Variants in PDE1C observed in about 807,000 individuals in gnomAD.
The protein encoded by PDE1C is phosphodiesterase 1C.
Under a neutral mutation model 93.1 loss-of-function variants are expected in PDE1C, and 62 were observed. The ratio of observed to expected loss-of-function variants is 0.67; its 90% CI spans 0.54 to 0.82. The LOEUF (loss-of-function observed/expected upper bound fraction) is 0.82, where lower values mean the gene tolerates loss of function less well. Among genes scored for constraint, PDE1C ranks in the 40% least tolerant of loss-of-function variants. The pLI is 0.00. For synonymous variants in PDE1C, 325 were observed against 310.1 expected (o/e 1.05, Z -0.50); for missense variants, 742 against 884.6 (o/e 0.84, Z 2.04).
chr7:32,212,930 T>C (rs1806157406), intron 1 of PDE1C, among the ~76,000 whole-genome samples: 1 of 152,176 alleles, frequency 6.6e-6, no homozygotes, highest in South Asian at 2.1e-4. Flanking sequence ...CCCAAGAATT[T>C]ACATGTCTGA....
At chr7:31,652,466 T>C in the PDE1C span, 57 of 1,520,712 alleles carry the variant, frequency 3.7e-5, no homozygotes, top group African/African-American at 6.7e-4. Flanking sequence ...GTAAGCTGTT[T>C]GGTGCCAATG....
the PDE1C span, chr7:31,643,222 C>G: frequency 1.1e-5 from 17 of 1,613,914 alleles, no homozygotes; most frequent in Admixed American, 8.3e-5. Context: ...TGAGGCCCCA[C>G]GAGAAGAGGA....
At chr7:32,315,037 C>G (rs978475106) in intron 1 of PDE1C, among the ~76,000 whole-genome samples, 1 of 148,080 alleles carries the variant, frequency 6.8e-6, no homozygotes, top group African/African-American at 2.5e-5. Flanking sequence ...GATGTGGCTT[C>G]TGACAATGAT....
chr7:32,307,305 C>G (rs1562665719), intron 1 of PDE1C, among the ~76,000 whole-genome samples: 1 of 152,138 alleles, frequency 6.6e-6, no homozygotes, highest in Non-Finnish European at 1.5e-5. Flanking sequence ...CACCTAGACC[C>G]TCAGAATCCT....
rs184421522 is a variant in PDE1C at position 32,052,970 on chromosome 7, C to G, written c.102-1390G>C. On this transcript the variant is annotated intron_variant, in intron 1 of 17. Transcript: ENST00000396191. The stretch of plus-strand genomic sequence containing the variant: ...AAAAAATATTAAAATATGGATACAC[C>G]TAGTTACATATAAAGGTATATACAA... Among the ~76,000 whole-genome samples, 169 of 152,040 alleles carry G rather than the reference C, an allele frequency of 1.1e-3. 2 individuals are homozygous for G. Among genetic ancestry groups the G allele is most frequent in the Admixed American group, 0.011 (169 of 15,272 alleles).
chr7:32,085,199 C>T (rs1365816306), intron 3 of PDE1C, among the ~76,000 whole-genome samples: 1 of 151,606 alleles, frequency 6.6e-6, no homozygotes, highest in Non-Finnish European at 1.5e-5. Flanking sequence ...GAAATACAAA[C>T]TACCATCAGA....
chr7:32,028,243 G>A (rs1199110905), intron 2 of PDE1C, among the ~76,000 whole-genome samples: 2 of 152,120 alleles, frequency 1.3e-5, no homozygotes, highest in South Asian at 2.1e-4. Flanking sequence ...AGCCACATGT[G>A]GCTAGTGGTT....
intron 1 of PDE1C, among the ~76,000 whole-genome samples, chr7:32,378,345 G>C (rs1784470039): frequency 6.6e-6 from 1 of 152,128 alleles, no homozygotes; most frequent in South Asian, 2.1e-4. Flanking sequence ...GAGATATCTA[G>C]CCAACCCCCC....
rs78869112 is a variant in PDE1C, at chr7:31,915,363, T to C, written c.129-34503A>G. On this transcript the variant is annotated intron_variant, in intron 2 of 17. Transcript: ENST00000396191. ...GCTTATGCATCACAGTCCTTCAACC[T>C]GGGTCTTGTCAAGATGTGGCTGTAT... 4.5e-3 allele frequency among the ~76,000 whole-genome samples: 686 copies of C among 152,246 alleles called. 6 individuals are homozygous for C. The highest frequency in any genetic ancestry group is 0.015 in the African/African-American group (631 of 41,530).
chr7:32,034,813 GT>G (rs1332744895), intron 2 of PDE1C, among the ~76,000 whole-genome samples: 1 of 152,076 alleles, frequency 6.6e-6, no homozygotes, highest in Non-Finnish European at 1.5e-5. Flanking sequence ...ACCTTGGAAA[GT>G]TACTTATGAT....
intron 17 of PDE1C, among the ~76,000 whole-genome samples, chr7:31,774,490 T>C (rs1795702292): frequency 6.6e-6 from 1 of 152,218 alleles, no homozygotes; most frequent in Admixed American, 6.5e-5. Context: ...CAGGAACCTA[T>C]ATATGTCTGC....
Position 32,365,765 on chromosome 7 carries a change from G to A in PDE1C, c.310+62057C>T, listed in dbSNP as rs145487669. Among the ~76,000 whole-genome samples, 148 of 151,980 alleles carry A rather than the reference G, an allele frequency of 9.7e-4. 3 individuals are homozygous for A. The highest frequency in any genetic ancestry group is 6.9e-4 in the Non-Finnish European group (47 of 67,976). ...ATCTGAGAGTCTGGTGAGTTCACCC[G>A]GGCAAAGCCACACCACTGCTACCAG... On this transcript the variant is annotated intron_variant, in intron 1 of 1. Coordinates refer to the PDE1C transcript ENST00000672256.
At chr7:31,768,602 G>A (rs1461462073) in intron 17 of PDE1C, among the ~76,000 whole-genome samples, 3 of 152,194 alleles carry the variant, frequency 2.0e-5, no homozygotes, top group East Asian at 3.9e-4. Flanking sequence ...GCACTCCTTA[G>A]GTCCATATTG....
At chr7:32,004,546 CT>C (rs901843451) in intron 2 of PDE1C, among the ~76,000 whole-genome samples, 1 of 152,106 alleles carries the variant, frequency 6.6e-6, no homozygotes, top group East Asian at 1.9e-4. Context: ...TTACTAGAGA[CT>C]TTTTTTCCTG....
intron 2 of PDE1C, among the ~76,000 whole-genome samples, chr7:32,002,095 C>T (rs529670166): frequency 1.3e-5 from 2 of 152,186 alleles, no homozygotes; most frequent in African/African-American, 4.8e-5. Flanking sequence ...TGACTTAGTG[C>T]TGAAGACTAA....
the PDE1C span, among the ~76,000 whole-genome samples, chr7:31,689,683 A>C: frequency 6.6e-6 from 1 of 152,072 alleles, no homozygotes; most frequent in Non-Finnish European, 1.5e-5. Flanking sequence ...AGGCTATGAA[A>C]ATTATCAATA....
intron 2 of PDE1C, among the ~76,000 whole-genome samples, chr7:31,895,424 T>C (rs1429889015): frequency 1.3e-5 from 2 of 152,114 alleles, no homozygotes; most frequent in Admixed American, 1.3e-4. Context: ...CAGAGGACAA[T>C]ACAAGACCCT....
intron 3 of PDE1C, among the ~76,000 whole-genome samples, chr7:32,098,484 T>C (rs1186931711): frequency 6.6e-6 from 1 of 152,162 alleles, no homozygotes; most frequent in Non-Finnish European, 1.5e-5. Context: ...TGGATTTTAT[T>C]TAATCTCTAT....
intron 1 of PDE1C, among the ~76,000 whole-genome samples, chr7:32,240,913 TC>T (rs1446254274): frequency 6.6e-6 from 1 of 152,152 alleles, no homozygotes; most frequent in Non-Finnish European, 1.5e-5. Flanking sequence ...ATGATCCACT[TC>T]AGGATTATGG....
Sources: allele counts gnomAD v4.1 joint callset (sites outside exome capture counted in the v4.1 genomes callset), GRCh38; gene constraint gnomAD v4.1.1; transcripts MANE v1.5; gene names NCBI Gene and HGNC (gene_info 2026-07-23, HGNC 2026-07-21).